The following EPC1 variants were observed in gnomAD, a reference collection of about 807,000 sequenced individuals.
EPC1 encodes the protein enhancer of polycomb 1, also known as enhancer of polycomb homolog 1.
EPC1 carries 12 observed loss-of-function variants against 98.4 expected under a neutral mutation model. The ratio of observed to expected loss-of-function variants is 0.12; its 90% confidence interval spans 0.08 to 0.20. EPC1 has a LOEUF of 0.20. Ranked by LOEUF, EPC1 falls within the 10% of genes least tolerant of loss-of-function variation. EPC1 has a pLI of 1.00. For synonymous variants in EPC1, 357 were observed against 363.9 expected, an observed-to-expected ratio of 0.98 and a Z score of 0.21; for missense variants, 729 against 990.5, an observed-to-expected ratio of 0.74 and a Z score of 3.54.
chr10:32,369,117 G>A (rs1839680118), intron 1 of EPC1, among the ~76,000 whole-genome samples: 1 of 152,178 alleles, frequency 6.6e-6, no homozygotes, highest in Admixed American at 6.5e-5. Flanking sequence ...TGGAAATTGT[G>A]ACCACATAGC....
intron 13 of EPC1, 149 bp downstream of exon 13, chr10:32,271,405 G>C (rs1348440308): frequency 9.8e-6 from 9 of 917,146 alleles, no homozygotes; most frequent in Non-Finnish European, 1.6e-6. Context: ...TTTAGTTCTT[G>C]AATAAATAAG....
intron 2 of EPC1, among the ~76,000 whole-genome samples, chr10:32,303,459 G>A (rs1835692079): frequency 6.6e-6 from 1 of 152,138 alleles, no homozygotes; most frequent in Non-Finnish European, 1.5e-5. Context: ...TACATATCAT[G>A]GAATACTGCT....
At chr10:32,335,823 T>C (rs1394475247) in intron 1 of EPC1, among the ~76,000 whole-genome samples, 2 of 152,182 alleles carry the variant, frequency 1.3e-5, no homozygotes, top group African/African-American at 4.8e-5. Flanking sequence ...ACTCTAGATT[T>C]TGCGTTCACT....
chr10:32,329,199 A>G (rs1248674467), intron 1 of EPC1, among the ~76,000 whole-genome samples: 1 of 152,232 alleles, frequency 6.6e-6, no homozygotes, highest in Non-Finnish European at 1.5e-5. Context: ...TGGCCAGAGC[A>G]TCTTAACAGC....
chr10:32,357,030 C>T (rs1193865796), intron 1 of EPC1, among the ~76,000 whole-genome samples: 1 of 152,072 alleles, frequency 6.6e-6, no homozygotes, highest in East Asian at 1.9e-4. Context: ...AAAGTGATTT[C>T]CCAGTACCCT....
chr10:32,352,402 C>T lies in EPC1; in HGVS notation c.3+26089G>A, dbSNP rs17230270. On this transcript the variant is annotated intron_variant, in intron 1 of 13. Transcript: ENST00000375110. ...CCCTGTCCTGCCTCAGACTGTCTAC[C>T]GAAATCCTATTTCACAGGAATGTTT... 2.8e-3 allele frequency among the ~76,000 whole-genome samples: 424 copies of T among 152,104 alleles called. 5 individuals carry two copies. Among genetic ancestry groups the T allele is most frequent in the Middle Eastern group, 0.014 (4 of 294 alleles).
chr10:32,285,409 T>C, intron 9 of EPC1: 1 of 203,116 alleles, frequency 4.9e-6, no homozygotes, highest in South Asian at 9.2e-5. Context: ...AGTATACCAT[T>C]AACATTTCTT....
chr10:32,325,372 A>G (rs1241490805), intron 1 of EPC1, among the ~76,000 whole-genome samples: 2 of 152,226 alleles, frequency 1.3e-5, no homozygotes, highest in Admixed American at 1.3e-4. Context: ...AACTCACTGG[A>G]TCATTTTTAA....
intron 1 of EPC1, among the ~76,000 whole-genome samples, chr10:32,342,165 T>C (rs1838402886): frequency 6.6e-6 from 1 of 152,252 alleles, no homozygotes; most frequent in Admixed American, 6.5e-5. Flanking sequence ...AATTAGTTTG[T>C]TAAACTTTGC....
chr10:32,348,591 A>C (rs1366345811), upstream of EPC1, among the ~76,000 whole-genome samples: 1 of 152,196 alleles, frequency 6.6e-6, no homozygotes, highest in Non-Finnish European at 1.5e-5. Flanking sequence ...AATTATACTT[A>C]AACTCCGATA....
intron 1 of EPC1, among the ~76,000 whole-genome samples, chr10:32,326,223 CT>C (rs1837267108): frequency 2.0e-5 from 3 of 152,180 alleles, no homozygotes; most frequent in Admixed American, 2.0e-4. Flanking sequence ...ATCAAAATTT[CT>C]GGTATGATTG....
chr10:32,345,213 G>A, intron 1 of EPC1: 3 of 984,956 alleles, frequency 3.0e-6, no homozygotes, highest in Non-Finnish European at 3.6e-6. Flanking sequence ...TAAATTAAGA[G>A]GTAGTGTCTC....
intron 1 of EPC1, among the ~76,000 whole-genome samples, chr10:32,335,670 C>A (rs538786779): frequency 9.5e-4 from 145 of 152,290 alleles, no homozygotes; most frequent in African/African-American, 3.4e-3. Flanking sequence ...AAGTCACAGT[C>A]ACAGTGCTGT....
chr10:32,275,305 C>G lies in EPC1; in HGVS notation c.1745-2024G>C, dbSNP rs139236508. 2.8e-4 allele frequency among the ~76,000 whole-genome samples: 43 copies of G among 152,314 alleles called. No individual in the cohort carries two copies. In the East Asian group the frequency reaches 8.3e-3, roughly 29 times the overall value. ...TCTTGTGAATTTCACTTCTTAACAA[C>G]TGTTAACTTCTTCCTAATACAGACT... On this transcript the variant is annotated intron_variant, in intron 10 of 13. Transcript: ENST00000319778.
rs181132342 is a variant in EPC1 at position 32,353,286 on chromosome 10, G to A, written c.3+25205C>T. 4.5e-3 allele frequency among the ~76,000 whole-genome samples: 687 copies of A among 152,260 alleles called. 8 individuals are homozygous for A. Among genetic ancestry groups the A allele is most frequent in the African/African-American group, 0.016 (662 of 41,568 alleles). ...AAGAGGGTTGGTAATGAAGGGCAAAGAGAGAGAGAAAGGGGTAGCTATTTG... is the reference window on the plus strand; with the variant it reads ...AAGAGGGTTGGTAATGAAGGGCAAAAAGAGAGAGAAAGGGGTAGCTATTTG... On this transcript the variant is annotated intron_variant, in intron 1 of 13. Transcript: ENST00000375110.
intron 6 of EPC1, among the ~76,000 whole-genome samples, chr10:32,288,810 T>C (rs6481784): frequency 0.99 from 150,421 of 152,234 alleles, 74,335 homozygotes; most frequent in Middle Eastern, 1. Context: ...GAGTGGGAGG[T>C]CGGGTGGGGT....
At chr10:32,347,282 C>T (rs975113227), upstream of EPC1, 2 of 933,184 alleles carry the variant, frequency 2.1e-6, no homozygotes, top group East Asian at 5.2e-5. Flanking sequence ...CCCGCCAACC[C>T]CCGGCACCCG....
At chr10:32,372,708 A>T (rs573006868) in intron 1 of EPC1, among the ~76,000 whole-genome samples, 2 of 152,380 alleles carry the variant, frequency 1.3e-5, no homozygotes, top group East Asian at 1.9e-4. Flanking sequence ...ATTCAACAGC[A>T]ATATCATAGA....
At chr10:32,354,428 T>A (rs759681763) in intron 1 of EPC1, among the ~76,000 whole-genome samples, 5 of 152,044 alleles carry the variant, frequency 3.3e-5, no homozygotes, top group Non-Finnish European at 4.4e-5. Context: ...CACTCCAGCC[T>A]GGGCGACAGA....
Sources: gnomAD v4.1 joint callset for allele counts (sites outside exome capture counted in the v4.1 genomes callset) on GRCh38, gnomAD v4.1.1 for gene constraint, MANE v1.5 for transcripts, NCBI Gene and HGNC (gene_info 2026-07-23, HGNC 2026-07-21) for gene names.